SOX5: variants seen among roughly 807,000 people sequenced by gnomAD.
The protein encoded by SOX5 is SRY-box transcription factor 5, also known as transcription factor SOX-5.
SOX5 carries 9 observed loss-of-function variants against 92.0 expected under a neutral mutation model. The ratio of observed to expected loss-of-function variants is 0.10; its 90% CI spans 0.06 to 0.17. The LOEUF (loss-of-function observed/expected upper bound fraction) is 0.17, where lower values mean the gene tolerates loss of function less well. Ranked by LOEUF, SOX5 falls within the 10% of genes least tolerant of loss-of-function variation. The pLI, the probability that SOX5 is intolerant of heterozygous loss-of-function variation, is 1.00. For missense variants in SOX5, 642 were observed against 944.5 expected, an observed-to-expected ratio of 0.68 and a Z score of 4.20; for synonymous variants, 344 against 336.3, an observed-to-expected ratio of 1.02 and a Z score of -0.25.
At chr12:23,825,333 C>T (rs944689633) in intron 3 of SOX5, among the ~76,000 whole-genome samples, 4 of 152,172 alleles carry the variant, frequency 2.6e-5, no homozygotes, top group Non-Finnish European at 5.9e-5. Context: ...GGAGGGAGTT[C>T]CCTGACCCCT....
chr12:24,086,295 T>A (rs976802642), intron 4 of SOX5, among the ~76,000 whole-genome samples: 1 of 151,952 alleles, frequency 6.6e-6, no homozygotes, highest in African/African-American at 2.4e-5. Flanking sequence ...CCAGACTACA[T>A]AGACTCTCAG....
intron 2 of SOX5, among the ~76,000 whole-genome samples, chr12:24,365,355 A>G (rs777076853): frequency 4.6e-5 from 7 of 152,104 alleles, no homozygotes; most frequent in Non-Finnish European, 8.8e-5. Context: ...AATAAAGCAT[A>G]ATCATGACTT....
intron 3 of SOX5, among the ~76,000 whole-genome samples, chr12:24,264,483 T>C (rs532569460): frequency 1.3e-5 from 2 of 152,228 alleles, no homozygotes; most frequent in East Asian, 3.8e-4. Context: ...TGAGGTGTGT[T>C]GAACAATGGA....
intron 2 of SOX5, among the ~76,000 whole-genome samples, chr12:24,340,092 C>T (rs1043709926): frequency 6.6e-6 from 1 of 152,240 alleles, no homozygotes; most frequent in African/African-American, 2.4e-5. Context: ...CTGTTAGCCT[C>T]CTCTCTTACA....
At chr12:24,436,908 T>G (rs1374906860) in intron 1 of SOX5, among the ~76,000 whole-genome samples, 1 of 152,112 alleles carries the variant, frequency 6.6e-6, no homozygotes, top group Non-Finnish European at 1.5e-5. Context: ...TTGGAGTAAA[T>G]CTACTCTGCC....
intron 4 of SOX5, among the ~76,000 whole-genome samples, chr12:24,060,037 C>T (rs1939364539): frequency 6.6e-6 from 1 of 152,138 alleles, no homozygotes; most frequent in Non-Finnish European, 1.5e-5. Context: ...TGCATAGATA[C>T]ATAAGTCCAG....
intron 1 of SOX5, among the ~76,000 whole-genome samples, chr12:24,487,740 T>C (rs952674867): frequency 2.6e-5 from 4 of 152,190 alleles, no homozygotes; most frequent in Admixed American, 6.5e-5. Context: ...GTGGAGCTCA[T>C]TCAAAGAGGT....
chr12:24,060,294 A>G (rs1298304744), intron 4 of SOX5, among the ~76,000 whole-genome samples: 1 of 152,176 alleles, frequency 6.6e-6, no homozygotes, highest in East Asian at 1.9e-4. Context: ...AAAAGATTAC[A>G]TACTTCCCCA....
At chr12:24,225,628 CTTCA>C (rs1450903615) in intron 3 of SOX5, among the ~76,000 whole-genome samples, 5 of 152,076 alleles carry the variant, frequency 3.3e-5, no homozygotes, top group African/African-American at 4.8e-5. Flanking sequence ...GAAAACTGTA[CTTCA>C]TTGTCATTGT....
At chr12:24,373,863 G>C (rs959736552) in intron 1 of SOX5, among the ~76,000 whole-genome samples, 1 of 152,058 alleles carries the variant, frequency 6.6e-6, no homozygotes, top group African/African-American at 2.4e-5. Flanking sequence ...TAGATTAATG[G>C]CCTTTATCCT....
chr12:23,700,957 G>T (rs2090548420), intron 6 of SOX5, among the ~76,000 whole-genome samples: 1 of 151,042 alleles, frequency 6.6e-6, no homozygotes, highest in Admixed American at 6.6e-5. Context: ...ATATATATGT[G>T]TGTATATATA....
At chr12:23,705,023 G>A (rs2091211732) in intron 6 of SOX5, among the ~76,000 whole-genome samples, 1 of 151,662 alleles carries the variant, frequency 6.6e-6, no homozygotes, top group African/African-American at 2.4e-5. Flanking sequence ...TTCTATCTAT[G>A]TTAACTAAAC....
intron 1 of SOX5, among the ~76,000 whole-genome samples, chr12:24,493,165 G>C (rs929534787): frequency 3.6e-4 from 54 of 151,976 alleles, no homozygotes; most frequent in African/African-American, 1.3e-3. Flanking sequence ...TCATACTATG[G>C]GATTTTATTT....
chr12:24,255,992 A>G lies in SOX5; in HGVS notation c.-77+21224T>C, dbSNP rs529952257. Among the ~76,000 whole-genome samples, 110 of 152,370 alleles carry G rather than the reference A, an allele frequency of 7.2e-4. 1 individual carries two copies. Among genetic ancestry groups the G allele is most frequent in the African/African-American group, 2.6e-3 (109 of 41,584 alleles). ...CCCCAAGTTGTTAAGTCATACCAAC[A>G]TATATCAAAAATTGACCTAGTTGGT... On this transcript the variant is annotated intron_variant, in intron 3 of 4. Transcript: ENST00000446891.
chr12:23,822,912 T>C (rs1189052561), intron 3 of SOX5, among the ~76,000 whole-genome samples: 1 of 151,060 alleles, frequency 6.6e-6, no homozygotes, highest in Non-Finnish European at 1.5e-5. Context: ...TTTGTTGGTT[T>C]AAAGTCTGTT....
Position 23,534,140 on chromosome 12 carries a change from A to G in SOX5, c.*79T>C. 8.5e-7 allele frequency: 1 copy of G among 1,172,526 alleles called. No individual in the cohort carries two copies. Among genetic ancestry groups the G allele is most frequent in the East Asian group, 2.3e-5 (1 of 42,614 alleles). 72.6% of individuals were successfully genotyped at this position (1,172,526 alleles called of 1,614,324 possible). On this transcript the variant is annotated 3_prime_UTR_variant, in exon 15 of 15. Transcript: ENST00000451604. ...GTAACAGTCAGTGTATGAGAAAGTT[A>G]ATGTGCTTGGCCACTGGTAAGGATG...
At chr12:24,206,232 T>C (rs982426422) in intron 4 of SOX5, among the ~76,000 whole-genome samples, 5 of 152,244 alleles carry the variant, frequency 3.3e-5, no homozygotes, top group Middle Eastern at 3.2e-3. Context: ...CTGTAATACA[T>C]AGTTTAAATA....
intron 4 of SOX5, among the ~76,000 whole-genome samples, chr12:23,964,122 G>T (rs569710809): frequency 6.6e-6 from 1 of 151,868 alleles, no homozygotes; most frequent in Non-Finnish European, 1.5e-5. Context: ...GTTTGATAGC[G>T]TCACACCAAA....
intron 2 of SOX5, chr12:24,357,386 T>C (rs1033483821): frequency 6.6e-6 from 1 of 152,140 alleles, no homozygotes; most frequent in African/African-American, 2.4e-5. Context: ...GGAAGGAGAA[T>C]CACGCATGTA....
Sources: allele counts gnomAD v4.1 joint callset (sites outside exome capture counted in the v4.1 genomes callset), GRCh38; gene constraint gnomAD v4.1.1; transcripts MANE v1.5; gene names NCBI Gene and HGNC (gene_info 2026-07-23, HGNC 2026-07-21).